Variants in CSMD1 observed in about 807,000 individuals in gnomAD.
The protein encoded by CSMD1 is CUB and sushi domain-containing protein 1.
Under a neutral mutation model 417.5 loss-of-function variants are expected in CSMD1, and 213 were observed. That is an observed-to-expected ratio of 0.51 (90% confidence interval 0.46 to 0.57). CSMD1 has a LOEUF of 0.57. Ranked by LOEUF, CSMD1 falls within the 20% of genes least tolerant of loss-of-function variation. The pLI is 0.00. For synonymous variants in CSMD1, 2,862 were observed against 1,736.8 expected (o/e 1.65, Z -16.11); for missense variants, 6,923 against 4,529.7 (o/e 1.53, Z -15.17).
At chr8:3,718,924 C>A (rs372477051) in intron 6 of CSMD1, among the ~76,000 whole-genome samples, 10 of 151,964 alleles carry the variant, frequency 6.6e-5, no homozygotes, top group Admixed American at 1.3e-4. Context: ...CAATTTAAAC[C>A]TTTTCCCTCC....
intron 1 of CSMD1, among the ~76,000 whole-genome samples, chr8:4,649,520 C>T (rs960252115): frequency 1.4e-4 from 22 of 152,148 alleles, no homozygotes; most frequent in African/African-American, 5.3e-4. Flanking sequence ...GACTTCTACC[C>T]CTGTGCTCAT....
intron 1 of CSMD1, among the ~76,000 whole-genome samples, chr8:4,803,479 A>C (rs139920706): frequency 2.0e-5 from 3 of 152,306 alleles, no homozygotes; most frequent in East Asian, 3.9e-4. Context: ...AGGGGTCAGA[A>C]AGCCCTAGGT....
chr8:3,304,488 A>G (rs1422296666), intron 25 of CSMD1, among the ~76,000 whole-genome samples: 2 of 152,150 alleles, frequency 1.3e-5, no homozygotes, highest in African/African-American at 2.4e-5. Context: ...GAGTGGTTCA[A>G]TCATCAAAAA....
At position 3,637,809 on chromosome 8, in the gene CSMD1, A is replaced by T. The variant is rs1371092582; in HGVS notation, c.1010-21012T>A. Among the ~76,000 whole-genome samples, 3 of 152,254 alleles carry T rather than the reference A, an allele frequency of 2.0e-5. No homozygotes were observed. The East Asian group carries it at 5.8e-4, about 29-fold the overall frequency. On this transcript the variant is annotated intron_variant, in intron 7 of 69. Transcript: ENST00000635120. ...CTTGGGAGGGACCCAGTGGGAAGTA[A>T]TTGAATCTTGGGGGCCAGTATTTCT...
At chr8:3,073,243 T>G (rs1173510016) in intron 49 of CSMD1, among the ~76,000 whole-genome samples, 2 of 152,228 alleles carry the variant, frequency 1.3e-5, no homozygotes, top group African/African-American at 4.8e-5. Context: ...AAATCATGCA[T>G]GTAAACAGAA....
At chr8:3,046,865 T>A (rs1292811411) in intron 50 of CSMD1, among the ~76,000 whole-genome samples, 4 of 152,182 alleles carry the variant, frequency 2.6e-5, no homozygotes, top group Non-Finnish European at 5.9e-5. Context: ...ATCTTCTTCC[T>A]AGGATTGCTA....
intron 2 of CSMD1, among the ~76,000 whole-genome samples, chr8:4,453,054 C>G (rs1563191005): frequency 1.3e-5 from 2 of 152,094 alleles, no homozygotes; most frequent in African/African-American, 2.4e-5. Flanking sequence ...GCATGTTGTG[C>G]TAGGACCATG....
intron 5 of CSMD1, among the ~76,000 whole-genome samples, chr8:3,882,656 G>A (rs748441519): frequency 6.6e-6 from 1 of 152,142 alleles, no homozygotes; most frequent in Non-Finnish European, 1.5e-5. Flanking sequence ...ATATAAATAA[G>A]TTGTGGTATG....
chr8:2,994,660 G>C (rs1237082768), intron 54 of CSMD1, among the ~76,000 whole-genome samples: 5 of 152,242 alleles, frequency 3.3e-5, no homozygotes, highest in Non-Finnish European at 7.4e-5. Context: ...AGTGAGTATA[G>C]CTACATAGAA....
intron 26 of CSMD1, among the ~76,000 whole-genome samples, chr8:3,235,339 AT>A (rs1799086731): frequency 6.6e-6 from 1 of 152,212 alleles, no homozygotes; most frequent in Admixed American, 6.5e-5. Context: ...AAGATATATA[AT>A]ACTCACTACT....
At chr8:3,319,546 T>C (rs186231093) in intron 23 of CSMD1, among the ~76,000 whole-genome samples, 99 of 152,324 alleles carry the variant, frequency 6.5e-4, no homozygotes, top group Non-Finnish European at 1.1e-3. Flanking sequence ...CTAAATTATA[T>C]TGAAATATAA....
At chr8:3,038,051 G>T (rs1160361966) in intron 50 of CSMD1, among the ~76,000 whole-genome samples, 1 of 152,036 alleles carries the variant, frequency 6.6e-6, no homozygotes, top group South Asian at 2.1e-4. Context: ...TTTATACTAT[G>T]GTTATTTTAA....
intron 3 of CSMD1, among the ~76,000 whole-genome samples, chr8:4,365,098 G>C (rs1416646790): frequency 1.3e-5 from 2 of 152,056 alleles, no homozygotes; most frequent in East Asian, 1.9e-4. Flanking sequence ...ACAAGAAAAA[G>C]TTTAAATACT....
chr8:3,816,895 A>T (rs12678271), intron 5 of CSMD1, among the ~76,000 whole-genome samples: 2 of 152,176 alleles, frequency 1.3e-5, no homozygotes, highest in Non-Finnish European at 2.9e-5. Context: ...CACTTTCCAC[A>T]CCTCATAAAT....
intron 23 of CSMD1, among the ~76,000 whole-genome samples, chr8:3,342,359 A>C (rs1218564332): frequency 3.3e-5 from 5 of 152,182 alleles, no homozygotes; most frequent in African/African-American, 1.2e-4. Context: ...TCCATCACTA[A>C]CATACTTTTA....
rs140666926 is a variant in CSMD1, at chr8:4,892,869, A to C, written c.85+101463T>G. 2.5e-3 allele frequency among the ~76,000 whole-genome samples: 385 copies of C among 152,270 alleles called. 4 individuals carry two copies. The highest frequency in any genetic ancestry group is 8.7e-3 in the African/African-American group (361 of 41,516). Reference sequence around the variant, plus strand: ...AATTTATTTAACAATATTCTTACTAAGAGGCATTAGACTGTTTTCCCTTTG... The same window carrying C: ...AATTTATTTAACAATATTCTTACTACGAGGCATTAGACTGTTTTCCCTTTG... On this transcript the variant is annotated intron_variant, in intron 1 of 69. Coordinates refer to ENST00000635120, the MANE Select transcript of CSMD1 (RefSeq NM_033225.6).
chr8:4,376,844 G>C (rs145094420), intron 3 of CSMD1, among the ~76,000 whole-genome samples: 2 of 152,100 alleles, frequency 1.3e-5, no homozygotes, highest in South Asian at 4.1e-4. Flanking sequence ...TGTCTTATTT[G>C]TAAGTGCTTC....
At chr8:3,355,944 C>T (rs117862386) in intron 21 of CSMD1, among the ~76,000 whole-genome samples, 3,591 of 152,218 alleles carry the variant, frequency 0.024, 72 homozygotes, top group East Asian at 0.081. Context: ...GATACTATTT[C>T]TATCATCCTA....
At chr8:4,217,703 G>A (rs1459638718) in intron 3 of CSMD1, among the ~76,000 whole-genome samples, 1 of 151,882 alleles carries the variant, frequency 6.6e-6, no homozygotes, top group Non-Finnish European at 1.5e-5. Flanking sequence ...TGAATTTAAA[G>A]TTTTAGGAAA....
Sources: gnomAD v4.1 joint callset for allele counts (sites outside exome capture counted in the v4.1 genomes callset) on GRCh38, gnomAD v4.1.1 for gene constraint, MANE v1.5 for transcripts, NCBI Gene and HGNC (gene_info 2026-07-23, HGNC 2026-07-21) for gene names.